The following ADAM18 variants were observed in gnomAD, a reference collection of about 807,000 sequenced individuals.
The protein encoded by ADAM18 is ADAM metallopeptidase domain 18.
Under a neutral mutation model 94.4 loss-of-function variants are expected in ADAM18, and 117 were observed. The ratio of observed to expected loss-of-function variants is 1.24; its 90% CI spans 1.07 to 1.45. The LOEUF (loss-of-function observed/expected upper bound fraction) is 1.45. Ranked by LOEUF, ADAM18 falls within the 40% of genes most tolerant of loss-of-function variation. The probability of loss-of-function intolerance (pLI) is 0.00; values close to 1 mark genes in which losing one functional copy is unlikely to be tolerated. For synonymous variants in ADAM18, 327 were observed against 291.6 expected (o/e 1.12, Z -1.24); for missense variants, 936 against 880.0 (o/e 1.06, Z -0.81).
At chr8:39,698,477 G>A (rs1176273826) in intron 17 of ADAM18, among the ~76,000 whole-genome samples, 1 of 151,912 alleles carries the variant, frequency 6.6e-6, no homozygotes, top group Non-Finnish European at 1.5e-5. Flanking sequence ...CACCCAGCTA[G>A]TGTCCACTGG....
rs116612602 is a variant in ADAM18, at chr8:39,585,130, T to C, written c.56-146T>C. 3.9e-3 allele frequency: 2,390 copies of C among 618,752 alleles called. 60 individuals are homozygous for C. In the African/African-American group the frequency reaches 0.041, roughly 11 times the overall value. The allele number at this position is 618,752 out of a possible 1,614,324, so 38.3% of individuals were successfully genotyped here. A position where few individuals can be genotyped will look rare whatever the true frequency, so the allele number is the denominator to read the frequency against. On this transcript the variant is annotated intron_variant, in intron 1 of 19. Transcript: ENST00000265707. The stretch of plus-strand genomic sequence containing the variant: ...GCTGTTGATTATGTAGTGAAATTTG[T>C]GGACTAGAAAGAGTGTGAGCACATG...
At chr8:39,617,918 C>G (rs181436733) in intron 6 of ADAM18, among the ~76,000 whole-genome samples, 266 of 152,182 alleles carry the variant, frequency 1.7e-3, no homozygotes, top group African/African-American at 6.2e-3. Context: ...GTACATTAAA[C>G]CCCTGTGACA....
chr8:39,657,284 A>G (rs542572181), intron 12 of ADAM18, among the ~76,000 whole-genome samples: 1 of 152,232 alleles, frequency 6.6e-6, no homozygotes, highest in African/African-American at 2.4e-5. Flanking sequence ...TTTATTGGTT[A>G]GTAGTCACTA....
intron 19 of ADAM18, 45 bp downstream of exon 19, chr8:39,723,952 T>C: frequency 8.4e-7 from 1 of 1,194,462 alleles, no homozygotes; most frequent in Non-Finnish European, 1.1e-6. Flanking sequence ...ATTATCCTAG[T>C]CATTAACCAG....
rs761284754 is a variant in ADAM18, at chr8:39,645,491, A to C, written c.1046+17A>C. 35 of 1,587,658 alleles carry C rather than the reference A, an allele frequency of 2.2e-5. No individual in the cohort carries two copies. Among genetic ancestry groups the C allele is most frequent in the Non-Finnish European group, 3.0e-5 (35 of 1,171,220 alleles). On this transcript the variant is annotated intron_variant, in intron 11 of 19. Coordinates refer to ENST00000265707, the MANE Select transcript of ADAM18 (RefSeq NM_014237.3). ...TGAAGCAGTGTAAGATGTTTTCTTA[A>C]TTAATTTCATTTATATTTTTATAAG...
intron 18 of ADAM18, among the ~76,000 whole-genome samples, chr8:39,717,609 A>C (rs78833542): frequency 0.02 from 2,985 of 151,730 alleles, 94 homozygotes; most frequent in African/African-American, 0.068. Context: ...ATACAGATGG[A>C]CTCAAAATGA....
chr8:39,587,932 C>G (rs546479844), intron 2 of ADAM18, among the ~76,000 whole-genome samples: 1 of 152,260 alleles, frequency 6.6e-6, no homozygotes, highest in African/African-American at 2.4e-5. Context: ...TTTATGCATT[C>G]ATGTCATTGA....
chr8:39,637,691 C>A lies in ADAM18; in HGVS notation c.815C>A (p.Ala272Glu). 6.2e-7 allele frequency: 1 copy of A among 1,602,286 alleles called. No homozygotes were observed. Among genetic ancestry groups the A allele is most frequent in the African/African-American group, 1.3e-5 (1 of 74,520 alleles). The change falls in exon 9 of 20, where the codon GCA (alanine) becomes GAA (glutamate). Residue 272 changes from alanine to glutamate, a missense_variant. Physicochemically the swap from Ala to Glu is moderately radical, Grantham distance 107. Coordinates refer to ENST00000265707, the MANE Select transcript of ADAM18 (RefSeq NM_014237.3). ...CTCATCCTACGGCCCCATGACATAGCATACTTACTTGTGTAAGCACAATGT... is the reference window on the plus strand; with the variant it reads ...CTCATCCTACGGCCCCATGACATAGAATACTTACTTGTGTAAGCACAATGT... ...DYLILRPHDIAYLLVYRKHPK... is the reference protein window; with the variant it reads ...DYLILRPHDIEYLLVYRKHPK...
chr8:39,719,246 T>C (rs1424704453), intron 18 of ADAM18, among the ~76,000 whole-genome samples: 2 of 151,408 alleles, frequency 1.3e-5, no homozygotes, highest in Non-Finnish European at 3.0e-5. Context: ...AACTTTAGCT[T>C]TTTAAACAAA....
At chr8:39,592,095 T>C (rs1462362634) in intron 2 of ADAM18, among the ~76,000 whole-genome samples, 2 of 152,208 alleles carry the variant, frequency 1.3e-5, no homozygotes, top group African/African-American at 4.8e-5. Flanking sequence ...ATCCAGACTT[T>C]GTTGTTACAT....
At chr8:39,615,012 A>T (rs1819397008) in intron 6 of ADAM18, among the ~76,000 whole-genome samples, 1 of 152,184 alleles carries the variant, frequency 6.6e-6, no homozygotes, top group Non-Finnish European at 1.5e-5. Flanking sequence ...ACAGTAGGAG[A>T]CTTCAACACT....
At position 39,677,585 on chromosome 8, in the gene ADAM18, T is replaced by A. The variant is rs565265455; in HGVS notation, c.1631+49T>A. ...TTCTTTGAATCATAAAAATTATGTA[T>A]TTTTATCAAGAGACACTAAGTAGTA... On this transcript the variant is annotated intron_variant, in intron 15 of 19. Transcript: ENST00000265707. 38 of 1,413,836 alleles carry A rather than the reference T, an allele frequency of 2.7e-5. No individual in the cohort carries two copies. In the East Asian group the frequency reaches 6.0e-4, roughly 22 times the overall value. 87.6% of individuals were successfully genotyped at this position (1,413,836 alleles called of 1,614,324 possible).
intron 7 of ADAM18, among the ~76,000 whole-genome samples, chr8:39,629,874 G>A (rs539291845): frequency 6.6e-6 from 1 of 151,854 alleles, no homozygotes; most frequent in East Asian, 1.9e-4. Context: ...AACTAGCCTA[G>A]AATGCCCTAC....
At chr8:39,637,025 A>G (rs1240780530) in intron 7 of ADAM18, among the ~76,000 whole-genome samples, 1 of 81,934 alleles carries the variant, frequency 1.2e-5, no homozygotes, top group East Asian at 5.0e-4. Context: ...TATTTTATAT[A>G]TATATATATA....
At chr8:39,613,988 G>A (rs545266986) in intron 6 of ADAM18, among the ~76,000 whole-genome samples, 25 of 152,198 alleles carry the variant, frequency 1.6e-4, no homozygotes, top group African/African-American at 5.3e-4. Context: ...TAAAGAGAAC[G>A]AACCTATCAT....
At chr8:39,718,915 C>T (rs1402524086) in intron 18 of ADAM18, among the ~76,000 whole-genome samples, 1 of 151,148 alleles carries the variant, frequency 6.6e-6, no homozygotes, top group Admixed American at 6.6e-5. Context: ...GAGCAGAAAT[C>T]TCTAAATTTG....
chr8:39,621,126 A>G (rs999615771), intron 6 of ADAM18, among the ~76,000 whole-genome samples: 1 of 152,152 alleles, frequency 6.6e-6, no homozygotes, highest in Non-Finnish European at 1.5e-5. Context: ...ATTAAGAGGC[A>G]TTTCACTGAA....
intron 2 of ADAM18, among the ~76,000 whole-genome samples, chr8:39,604,394 C>G (rs967962419): frequency 6.6e-6 from 1 of 151,844 alleles, no homozygotes; most frequent in Non-Finnish European, 1.5e-5. Flanking sequence ...ATATTAAGGT[C>G]CTGTTTTATT....
chr8:39,622,583 TG>T (rs1046932647), intron 6 of ADAM18, among the ~76,000 whole-genome samples: 5 of 151,960 alleles, frequency 3.3e-5, no homozygotes, highest in Non-Finnish European at 5.9e-5. Context: ...TCTTGTGTGC[TG>T]TTATATTTGT....
Sources: gnomAD v4.1 joint callset for allele counts (sites outside exome capture counted in the v4.1 genomes callset) on GRCh38, gnomAD v4.1.1 for gene constraint, MANE v1.5 for transcripts, NCBI Gene and HGNC (gene_info 2026-07-23, HGNC 2026-07-21) for gene names.